Variants in IARS1 observed in about 807,000 individuals in gnomAD.
IARS1 encodes the protein isoleucine--tRNA ligase, cytoplasmic.
Under a neutral mutation model 168.2 loss-of-function variants are expected in IARS1, and 124 were observed. The ratio of observed to expected loss-of-function variants is 0.74; its 90% CI spans 0.64 to 0.86. IARS1 has a LOEUF of 0.86. Ranked by LOEUF, IARS1 falls within the 40% of genes least tolerant of loss-of-function variation. IARS1 has a pLI of 0.00. For synonymous variants in IARS1, 532 were observed against 529.4 expected (o/e 1.00, Z -0.07); for missense variants, 1,452 against 1,515.8 (o/e 0.96, Z 0.70).
At chr9:92,261,173 G>C (rs1297001974) in intron 17 of IARS1, among the ~76,000 whole-genome samples, 1 of 152,100 alleles carries the variant, frequency 6.6e-6, no homozygotes, top group African/African-American at 2.4e-5. Context: ...GCTGGGTGTG[G>C]TGGTTCATGC....
intron 31 of IARS1, among the ~76,000 whole-genome samples, chr9:92,226,378 T>C (rs1256807393): frequency 6.6e-6 from 1 of 152,226 alleles, no homozygotes; most frequent in Non-Finnish European, 1.5e-5. Flanking sequence ...AGTACCTCAC[T>C]GTGGTACTAT....
At position 92,223,448 on chromosome 9, in the gene IARS1, T is replaced by A; in HGVS notation, c.3451A>T (p.Thr1151Ser). Residue 1151 changes from threonine (T) to serine (S), a missense_variant, in exon 32 of 34, where the codon ACA becomes TCA. Coordinates refer to ENST00000443024, the MANE Select transcript of IARS1 (RefSeq NM_002161.6). ...GCCGATCCTGCAGTCACACAAAGTG[T>A]TTTTCCACTAAGACTCAGTAAGTCA... ...QTDLLSLSGK[T>S]LCVTAGSAPS... is the part of the protein sequence containing the mutation. 6.2e-7 allele frequency: 1 copy of A among 1,613,810 alleles called. No homozygotes were observed. The highest frequency in any genetic ancestry group is 8.5e-7 in the Non-Finnish European group (1 of 1,179,772).
chr9:92,225,510 C>T (rs1033554384), intron 31 of IARS1, among the ~76,000 whole-genome samples: 6 of 151,158 alleles, frequency 4.0e-5, no homozygotes, highest in African/African-American at 1.5e-4. Flanking sequence ...AGGTAACTTT[C>T]TATCTCGTTT....
In IARS1 at chr9:92,240,890, G is replaced by T; in HGVS notation, c.3249C>A (p.Val1083=). 6.2e-7 allele frequency: 1 copy of T among 1,612,666 alleles called. No individual in the cohort carries two copies. The highest frequency in any genetic ancestry group is 1.1e-5 in the South Asian group (1 of 91,012). The change falls in exon 30 of 34, where the codon GTC becomes GTA. Residue 1083 remains valine (V), a synonymous_variant. Transcript: ENST00000443024. The part of the protein sequence containing the change: ...SSLPGPACAY[V]NLNICANGSE... Reference sequence around the variant, plus strand: ...TGCCATTTGCACAAATGTTAAGATTGACATATGCACAAGCAGGACCAGGAA... The same window carrying T: ...TGCCATTTGCACAAATGTTAAGATTTACATATGCACAAGCAGGACCAGGAA...
chr9:92,288,931 G>A (rs144706315), intron 2 of IARS1, among the ~76,000 whole-genome samples: 6 of 152,196 alleles, frequency 3.9e-5, no homozygotes, highest in Admixed American at 6.5e-5. Context: ...GCTTTAGGCC[G>A]CGCGTGATGG....
At chr9:92,248,157 A>T (rs978458909) in intron 25 of IARS1, among the ~76,000 whole-genome samples, 15 of 152,340 alleles carry the variant, frequency 9.8e-5, no homozygotes, top group Middle Eastern at 3.4e-3. Context: ...AAGCAATTGC[A>T]GAGTACCACA....
chr9:92,278,722 T>C (rs1432754820), intron 7 of IARS1, among the ~76,000 whole-genome samples: 2 of 152,234 alleles, frequency 1.3e-5, no homozygotes. Context: ...AAGTTCTTTT[T>C]ATTTTTCTAA....
intron 8 of IARS1, 51 bp from the exon 9 acceptor site, chr9:92,277,974 G>C (rs764784361): frequency 1.3e-6 from 2 of 1,538,228 alleles, no homozygotes; most frequent in Non-Finnish European, 1.8e-6. Flanking sequence ...CAAATATGAG[G>C]CTGCAGCCAC....
chr9:92,282,858 ATATT>A (rs1314586203), intron 6 of IARS1, among the ~76,000 whole-genome samples: 151 of 141,100 alleles, frequency 1.1e-3, no homozygotes, highest in South Asian at 4.4e-3. Context: ...ATATATATAT[ATATT>A]TTTTTTTTTT....
chr9:92,233,127 G>T (rs1210552243), intron 30 of IARS1, among the ~76,000 whole-genome samples: 1 of 152,162 alleles, frequency 6.6e-6, no homozygotes, highest in Non-Finnish European at 1.5e-5. Flanking sequence ...GATCTGCATG[G>T]GAAGCGCTGT....
chr9:92,254,520 T>C (rs1421308583), intron 20 of IARS1, among the ~76,000 whole-genome samples: 2 of 152,246 alleles, frequency 1.3e-5, no homozygotes, highest in Non-Finnish European at 2.9e-5. Context: ...AGAACTCAGA[T>C]GTCAGTGGGC....
chr9:92,289,632 C>T (rs1836001450), intron 1 of IARS1, among the ~76,000 whole-genome samples: 1 of 152,030 alleles, frequency 6.6e-6, no homozygotes, highest in Non-Finnish European at 1.5e-5. Context: ...CTAGTAATAC[C>T]TAATTTCAAA....
intron 31 of IARS1, among the ~76,000 whole-genome samples, chr9:92,225,852 T>C (rs1825588489): frequency 6.6e-6 from 1 of 152,358 alleles, no homozygotes; most frequent in African/African-American, 2.4e-5. Flanking sequence ...CTTGGCTTTC[T>C]CAGGTTGCTG....
intron 7 of IARS1, among the ~76,000 whole-genome samples, chr9:92,280,228 G>A (rs1834340259): frequency 6.6e-6 from 1 of 152,218 alleles, no homozygotes; most frequent in Non-Finnish European, 1.5e-5. Context: ...TTCCACAGCA[G>A]CTGTGCCATA....
chr9:92,288,877 G>A (rs1835869352), intron 2 of IARS1, among the ~76,000 whole-genome samples: 1 of 152,088 alleles, frequency 6.6e-6, no homozygotes, highest in African/African-American at 2.4e-5. Flanking sequence ...ACTACATAGG[G>A]AGCTGGGGGA....
intron 30 of IARS1, 59 bp downstream of exon 30, chr9:92,240,797 T>C: frequency 9.8e-7 from 1 of 1,022,390 alleles, no homozygotes; most frequent in Non-Finnish European, 1.5e-6. Flanking sequence ...TTGGTTGTTT[T>C]TTCACATCCA....
At chr9:92,286,335 C>G (rs1564189446) in intron 5 of IARS1, among the ~76,000 whole-genome samples, 1 of 152,132 alleles carries the variant, frequency 6.6e-6, no homozygotes, top group Non-Finnish European at 1.5e-5. Context: ...CCACTGCCCT[C>G]CAGCCTGGGC....
Position 92,222,655 on chromosome 9 carries a change from C to T in IARS1, c.3571G>A (p.Val1191Met), listed in dbSNP as rs202153931. 16 of 1,614,056 alleles carry T rather than the reference C, an allele frequency of 9.9e-6. No individual in the cohort carries two copies. Among genetic ancestry groups the T allele is most frequent in the African/African-American group, 5.3e-5 (4 of 75,008 alleles). ...GGGTTTTCAAGCAGGAGAGTGCCCA[C>T]TGTCCCCATTAAACACTCTGTGGAA... ...AKPQECLMGTVGTLLLENPLG... is the reference protein window; with the variant it reads ...AKPQECLMGTMGTLLLENPLG... The change falls in exon 33 of 34, where the codon GTG becomes ATG. Residue 1191 changes from valine to methionine, a missense_variant. Val to Met is a conservative substitution (Grantham distance 21). Coordinates refer to ENST00000443024, the MANE Select transcript of IARS1 (RefSeq NM_002161.6).
intron 22 of IARS1, 48 bp from the exon 23 acceptor site, chr9:92,250,882 A>T: frequency 6.4e-7 from 1 of 1,553,278 alleles, no homozygotes; most frequent in South Asian, 1.2e-5. Context: ...AGTCATCAAC[A>T]ACTGATCTCA....
Sources: gnomAD v4.1 joint callset for allele counts (sites outside exome capture counted in the v4.1 genomes callset) on GRCh38, gnomAD v4.1.1 for gene constraint, MANE v1.5 for transcripts, NCBI Gene and HGNC (gene_info 2026-07-23, HGNC 2026-07-21) for gene names.